Variants in PAK1 observed in about 807,000 individuals in gnomAD.
PAK1 encodes the protein serine/threonine-protein kinase PAK 1.
PAK1 carries 29 observed loss-of-function variants against 67.4 expected under a neutral mutation model. The ratio of observed to expected loss-of-function variants is 0.43; its 90% CI spans 0.32 to 0.59. The LOEUF (loss-of-function observed/expected upper bound fraction) is 0.59, where lower values mean the gene tolerates loss of function less well. PAK1 is among the 20% of genes least tolerant of loss of function. The probability of loss-of-function intolerance (pLI) is 0.07; values close to 1 mark genes in which losing one functional copy is unlikely to be tolerated. For synonymous variants in PAK1, 223 were observed against 237.4 expected (o/e 0.94, Z 0.56); for missense variants, 337 against 670.7 (o/e 0.50, Z 5.50).
chr11:77,504,023 C>T, the PAK1 span, among the ~76,000 whole-genome samples: 1 of 152,004 alleles, frequency 6.6e-6, no homozygotes, highest in Admixed American at 6.6e-5. Context: ...TCCCAAGTAG[C>T]GGGGATTATA....
chr11:77,514,223 G>A, the PAK1 span, among the ~76,000 whole-genome samples: 5 of 152,192 alleles, frequency 3.3e-5, no homozygotes, highest in Non-Finnish European at 1.5e-5. Flanking sequence ...GTCGGGCACG[G>A]TGGCTAACGC....
intron 7 of PAK1, among the ~76,000 whole-genome samples, chr11:77,354,078 G>A (rs1392236515): frequency 6.6e-6 from 1 of 152,168 alleles, no homozygotes; most frequent in Non-Finnish European, 1.5e-5. Context: ...AAAAACTTCA[G>A]AAAGGTGATA....
At chr11:77,378,838 T>C (rs938777324) in intron 4 of PAK1, among the ~76,000 whole-genome samples, 2 of 152,214 alleles carry the variant, frequency 1.3e-5, no homozygotes, top group Non-Finnish European at 2.9e-5. Context: ...TCCTCTTGCC[T>C]TGGCCTCCCA....
chr11:77,380,534 A>G (rs1433090494), intron 2 of PAK1, among the ~76,000 whole-genome samples: 5 of 152,202 alleles, frequency 3.3e-5, no homozygotes, highest in Middle Eastern at 6.8e-3. Context: ...AGGCAAAAAG[A>G]TCGTCTGTCA....
At chr11:77,462,279 C>A (rs1957386749) in intron 1 of PAK1, among the ~76,000 whole-genome samples, 1 of 151,274 alleles carries the variant, frequency 6.6e-6, no homozygotes, top group Non-Finnish European at 1.5e-5. Flanking sequence ...TGCAGTGAGC[C>A]GAGATTGCTC....
rs768841164 is a variant in PAK1, at chr11:77,355,635, G to A, written c.772+33C>T. The A allele has an allele frequency of 9.5e-6, 15 of 1,577,204 alleles. No individual in the cohort carries two copies. The African/African-American group carries it at 1.2e-4, about 13-fold the overall frequency. On this transcript the variant is annotated intron_variant, in intron 7 of 14. Coordinates refer to ENST00000356341, the MANE Select transcript of PAK1 (RefSeq NM_002576.5). ...CTCTGTGCTTGACCAGTCATAAAAC[G>A]AAGAAAGGTTCAGAAAGCTACAAAT...
chr11:77,387,947 A>C (rs1003099559), intron 2 of PAK1, among the ~76,000 whole-genome samples: 2 of 152,238 alleles, frequency 1.3e-5, no homozygotes, highest in African/African-American at 4.8e-5. Context: ...CTCCAAACAA[A>C]AGAAAAACAC....
intron 1 of PAK1, among the ~76,000 whole-genome samples, chr11:77,405,674 GACACACAC>G (rs1555167119): frequency 0.016 from 1,979 of 125,976 alleles, 44 homozygotes; most frequent in African/African-American, 0.048. Context: ...CAGACAGACA[GACACACAC>G]ACACACACAC....
the PAK1 span, among the ~76,000 whole-genome samples, chr11:77,481,876 C>T: frequency 1.3e-5 from 2 of 152,062 alleles, no homozygotes; most frequent in African/African-American, 4.8e-5. Context: ...TACTATATCT[C>T]TAGAGCTTGG....
chr11:77,501,018 G>A, the PAK1 span, among the ~76,000 whole-genome samples: 1 of 151,362 alleles, frequency 6.6e-6, no homozygotes, highest in Non-Finnish European at 1.5e-5. Context: ...GGGCGTGGTG[G>A]CAGGCGCCTG....
chr11:77,388,511 G>A lies in PAK1; in HGVS notation c.190+3820C>T, dbSNP rs567528551. On this transcript the variant is annotated intron_variant, in intron 2 of 14. Coordinates refer to ENST00000356341, the MANE Select transcript of PAK1 (RefSeq NM_002576.5). ...TGGGACTACAGGCACCCGCCACCAC[G>A]CCCGGCTTATTTTTTGTATTTCTAG... 3.8e-3 allele frequency among the ~76,000 whole-genome samples: 573 copies of A among 152,158 alleles called. 6 individuals are homozygous for A. Among genetic ancestry groups the A allele is most frequent in the African/African-American group, 0.013 (532 of 41,512 alleles).
intron 9 of PAK1, among the ~76,000 whole-genome samples, chr11:77,344,848 G>A (rs540709435): frequency 1.2e-4 from 19 of 152,284 alleles, no homozygotes; most frequent in Admixed American, 5.9e-4. Flanking sequence ...ATGCTTCTCA[G>A]TACAACATTC....
intron 1 of PAK1, among the ~76,000 whole-genome samples, chr11:77,458,669 G>T (rs1240288787): frequency 6.6e-6 from 1 of 152,160 alleles, no homozygotes; most frequent in African/African-American, 2.4e-5. Context: ...GACCTTACTG[G>T]TGAGCAGGGA....
chr11:77,527,907 T>C, the PAK1 span, among the ~76,000 whole-genome samples: 4 of 151,980 alleles, frequency 2.6e-5, no homozygotes, highest in African/African-American at 9.7e-5. Flanking sequence ...GTGCATGCAG[T>C]AGCTCAATCA....
chr11:77,337,858 T>C (rs1369663003), intron 11 of PAK1, among the ~76,000 whole-genome samples: 1 of 152,172 alleles, frequency 6.6e-6, no homozygotes, highest in Non-Finnish European at 1.5e-5. Flanking sequence ...AGCAGGATAA[T>C]CTTATTTTGG....
chr11:77,383,339 T>C (rs1193560489), intron 2 of PAK1, among the ~76,000 whole-genome samples: 2 of 151,338 alleles, frequency 1.3e-5, no homozygotes, highest in African/African-American at 2.4e-5. Context: ...TTTTTTTTTT[T>C]TTGAGACAGA....
intron 1 of PAK1, among the ~76,000 whole-genome samples, chr11:77,465,187 C>A (rs1397962172): frequency 6.6e-6 from 1 of 152,098 alleles, no homozygotes; most frequent in Non-Finnish European, 1.5e-5. Flanking sequence ...TACCATTCTC[C>A]TAGGAACCTA....
intron 2 of PAK1, among the ~76,000 whole-genome samples, 172 bp from the exon 3 acceptor site, chr11:77,380,166 G>A (rs1239660719): frequency 1.3e-5 from 2 of 152,294 alleles, no homozygotes; most frequent in East Asian, 3.9e-4. Flanking sequence ...GATACTCAAT[G>A]CATGTTTAAA....
chr11:77,347,143 A>G, intron 9 of PAK1: 2 of 452,310 alleles, frequency 4.4e-6, no homozygotes, highest in Non-Finnish European at 8.9e-6. Context: ...ACTCCCTTCC[A>G]TTCATAGTTT....
Sources: allele counts gnomAD v4.1 joint callset (sites outside exome capture counted in the v4.1 genomes callset), GRCh38; gene constraint gnomAD v4.1.1; transcripts MANE v1.5; gene names NCBI Gene and HGNC (gene_info 2026-07-23, HGNC 2026-07-21).